Variants in GRM8 observed in about 807,000 individuals in gnomAD.
GRM8 encodes metabotropic glutamate receptor 8.
GRM8 carries 47 observed loss-of-function variants against 87.2 expected under a neutral mutation model. The observed-to-expected ratio is 0.54, with a 90% CI of 0.43 to 0.69. GRM8 has a LOEUF of 0.69. Ranked by LOEUF, GRM8 falls within the 30% of genes least tolerant of loss-of-function variation. The probability of loss-of-function intolerance (pLI) is 0.00; values close to 1 mark genes in which losing one functional copy is unlikely to be tolerated. For synonymous variants in GRM8, 396 were observed against 404.5 expected (o/e 0.98, Z 0.25); for missense variants, 1,019 against 1,139.2 (o/e 0.89, Z 1.52).
intron 9 of GRM8, among the ~76,000 whole-genome samples, chr7:126,510,169 A>C (rs1401547062): frequency 6.6e-6 from 1 of 151,836 alleles, no homozygotes; most frequent in Non-Finnish European, 1.5e-5. Context: ...CAGAAAGAAG[A>C]CTCTTCTAAG....
chr7:126,733,078 T>C (rs774293919), intron 7 of GRM8, among the ~76,000 whole-genome samples: 9 of 152,088 alleles, frequency 5.9e-5, no homozygotes, highest in Non-Finnish European at 1.2e-4. Flanking sequence ...ACAATTATTC[T>C]TCTTCCAATG....
rs1554492201 is a variant in GRM8 at position 126,788,420 on chromosome 7, A to AACAAAAAAAAAAAACAAACAAAAAAAAAC, written c.1157-18356_1157-18355insGTTTTTTTTTGTTTGTTTTTTTTTTTTGT. On this transcript the variant is annotated intron_variant, in intron 6 of 10. Transcript: ENST00000339582. ...GCAAGACTCCATCTCAAAAAAAAAA[A>AACAAAAAAAAAAAACAAACAAAAAAAAAC]AAACCCTTTCAGATATCTTTAACAT... 5.2e-4 allele frequency among the ~76,000 whole-genome samples: 42 copies of AACAAAAAAAAAAAACAAACAAAAAAAAAC among 81,134 alleles called. 3 individuals carry two copies. Among genetic ancestry groups the AACAAAAAAAAAAAACAAACAAAAAAAAAC allele is most frequent in the African/African-American group, 1.8e-3 (39 of 21,824 alleles). The allele number at this position is 81,134 out of a possible 152,430, so 53.2% of individuals were successfully genotyped here.
intron 6 of GRM8, among the ~76,000 whole-genome samples, chr7:126,892,642 G>A (rs1384345381): frequency 6.6e-6 from 1 of 151,962 alleles, no homozygotes; most frequent in Non-Finnish European, 1.5e-5. Flanking sequence ...AGTCCTTTGG[G>A]TATATACCCA....
intron 6 of GRM8, among the ~76,000 whole-genome samples, chr7:126,835,279 C>T (rs1405459501): frequency 6.6e-6 from 1 of 151,886 alleles, no homozygotes; most frequent in Non-Finnish European, 1.5e-5. Context: ...AAGCTATTTC[C>T]ATACTGGATT....
intron 2 of GRM8, among the ~76,000 whole-genome samples, chr7:127,153,567 A>C (rs1265585186): frequency 6.6e-6 from 1 of 152,124 alleles, no homozygotes; most frequent in Non-Finnish European, 1.5e-5. Flanking sequence ...TGAAAGAGTC[A>C]CTTTGGGATA....
At chr7:126,612,137 T>C (rs937805158) in intron 7 of GRM8, among the ~76,000 whole-genome samples, 1 of 152,220 alleles carries the variant, frequency 6.6e-6, no homozygotes, top group Non-Finnish European at 1.5e-5. Flanking sequence ...AAGGATTAAA[T>C]GAATCAATAT....
intron 6 of GRM8, among the ~76,000 whole-genome samples, chr7:126,862,028 T>G (rs2130819438): frequency 6.6e-6 from 1 of 152,092 alleles, no homozygotes; most frequent in East Asian, 1.9e-4. Context: ...AAGAACTCTC[T>G]TGCTATTCCA....
At chr7:126,717,692 C>T (rs1811904515) in intron 7 of GRM8, among the ~76,000 whole-genome samples, 1 of 152,010 alleles carries the variant, frequency 6.6e-6, no homozygotes, top group African/African-American at 2.4e-5. Context: ...TACCAATTTA[C>T]ATACTTGTAA....
intron 3 of GRM8, among the ~76,000 whole-genome samples, chr7:126,926,780 C>G (rs1168769791): frequency 1.3e-5 from 2 of 152,178 alleles, no homozygotes; most frequent in Non-Finnish European, 2.9e-5. Context: ...TGCAAGATGC[C>G]TTTCAAGGGT....
chr7:127,132,097 G>C (rs1437983116), intron 2 of GRM8, among the ~76,000 whole-genome samples: 1 of 152,182 alleles, frequency 6.6e-6, no homozygotes, highest in East Asian at 1.9e-4. Context: ...TCTATGGCAA[G>C]CTACAATCAG....
intron 9 of GRM8, among the ~76,000 whole-genome samples, chr7:126,449,133 T>C (rs1016991312): frequency 7.9e-5 from 12 of 151,812 alleles, no homozygotes; most frequent in Admixed American, 7.2e-4. Context: ...TATGTTCCAG[T>C]AGACCTGGGT....
At chr7:127,067,841 T>C (rs1309847135) in intron 3 of GRM8, among the ~76,000 whole-genome samples, 1 of 152,172 alleles carries the variant, frequency 6.6e-6, no homozygotes, top group East Asian at 1.9e-4. Flanking sequence ...TTATTATTAT[T>C]ATTTAAATTT....
At chr7:127,185,186 A>G (rs543620763) in intron 2 of GRM8, among the ~76,000 whole-genome samples, 1 of 152,246 alleles carries the variant, frequency 6.6e-6, no homozygotes, top group African/African-American at 2.4e-5. Flanking sequence ...TGAACGACAC[A>G]TAATAGGCAA....
At chr7:126,765,837 C>G (rs1372929355) in intron 7 of GRM8, among the ~76,000 whole-genome samples, 1 of 152,038 alleles carries the variant, frequency 6.6e-6, no homozygotes, top group East Asian at 1.9e-4. Flanking sequence ...ATGAGTAATT[C>G]TGGATACACT....
At chr7:126,741,123 G>A (rs779166462) in intron 7 of GRM8, among the ~76,000 whole-genome samples, 61 of 152,022 alleles carry the variant, frequency 4.0e-4, no homozygotes, top group Non-Finnish European at 7.9e-4. Context: ...CAGAGAGTAG[G>A]CTTTCACCAT....
chr7:126,967,455 T>C (rs976928412), intron 3 of GRM8, among the ~76,000 whole-genome samples: 2 of 152,138 alleles, frequency 1.3e-5, no homozygotes, highest in African/African-American at 4.8e-5. Context: ...CCACACTTTA[T>C]TTCTGTAAAG....
intron 3 of GRM8, among the ~76,000 whole-genome samples, chr7:126,998,807 A>C (rs901705087): frequency 6.6e-6 from 1 of 151,882 alleles, no homozygotes; most frequent in Non-Finnish European, 1.5e-5. Context: ...TGAAGGAATC[A>C]ATATTGCTAA....
intron 9 of GRM8, among the ~76,000 whole-genome samples, chr7:126,484,506 G>A (rs1469498958): frequency 6.6e-6 from 1 of 152,034 alleles, no homozygotes; most frequent in African/African-American, 2.4e-5. Context: ...CGAATTTAAA[G>A]TTAGTCATTG....
intron 3 of GRM8, among the ~76,000 whole-genome samples, chr7:127,082,447 G>T (rs1309928642): frequency 6.6e-6 from 1 of 152,008 alleles, no homozygotes; most frequent in Non-Finnish European, 1.5e-5. Context: ...TCATGTCTCT[G>T]GGCCTCAGTT....
Sources: gnomAD v4.1 joint callset for allele counts (sites outside exome capture counted in the v4.1 genomes callset) on GRCh38, gnomAD v4.1.1 for gene constraint, MANE v1.5 for transcripts, NCBI Gene and HGNC (gene_info 2026-07-23, HGNC 2026-07-21) for gene names.